EPB41: variants seen among roughly 807,000 people sequenced by gnomAD.
EPB41 encodes the protein erythrocyte membrane protein band 4.1, also known as protein 4.1.
In EPB41, 65 loss-of-function variants were observed where a neutral mutation model predicts 108.0. The ratio of observed to expected loss-of-function variants is 0.60; its 90% CI spans 0.49 to 0.74. The LOEUF (loss-of-function observed/expected upper bound fraction) is 0.74, where lower values mean the gene tolerates loss of function less well. Among genes scored for constraint, EPB41 ranks in the 30% least tolerant of loss-of-function variants. The pLI, the probability that EPB41 is intolerant of heterozygous loss-of-function variation, is 0.00. For missense variants in EPB41, 875 were observed against 1,037.0 expected (o/e 0.84, Z 2.15); for synonymous variants, 336 against 358.9 (o/e 0.94, Z 0.72).
Position 28,986,727 on chromosome 1 carries a change from C to T in EPB41, c.-7-704C>T, listed in dbSNP as rs565101060. ...GGAGGATAGCTTGAGCCCAGGAGTT[C>T]GAGACCTGCCTGGGCAATATAGCAA... is the stretch of plus-strand genomic sequence containing the variant. On this transcript the variant is annotated intron_variant, in intron 1 of 20. Coordinates refer to ENST00000343067, the MANE Select transcript of EPB41 (RefSeq NM_001376013.1). Among the ~76,000 whole-genome samples, 4 of 151,294 alleles carry T rather than the reference C, an allele frequency of 2.6e-5. No homozygotes were observed. The East Asian group carries it at 5.9e-4, about 22-fold the overall frequency.
chr1:28,894,863 G>A (rs762406914), intron 1 of EPB41, among the ~76,000 whole-genome samples: 1 of 152,174 alleles, frequency 6.6e-6, no homozygotes, highest in Non-Finnish European at 1.5e-5. Context: ...AGGGGACTAT[G>A]TGTTCCTCTT....
In EPB41 at chr1:28,993,348, A is replaced by G. The variant is rs775969811; in HGVS notation, c.487A>G (p.Arg163Gly). 6.2e-7 allele frequency: 1 copy of G among 1,612,904 alleles called. No individual in the cohort carries two copies. The highest frequency in any genetic ancestry group is 1.7e-5 in the Admixed American group (1 of 60,020). ...AETQPAQEEL[R>G]EDPDFEIKEG... ...TATGTAGCCTGCTCAGGAAGAACTC[A>G]GAGAAGATCCAGATTTTGAAATTAA... is the stretch of plus-strand genomic sequence containing the variant. The change falls in exon 3 of 21, where the codon AGA (arginine) becomes GGA (glycine). Residue 163 changes from arginine to glycine, a missense_variant. Arg to Gly is a moderately radical substitution (Grantham distance 125, BLOSUM62 -2). Around this residue, in one of 3 missense-constraint regions of EPB41, gnomAD observed 353 missense variants for 393.2 expected, o/e 0.90. Transcript: ENST00000343067.
At chr1:28,961,253 A>G (rs1418444789) in intron 1 of EPB41, among the ~76,000 whole-genome samples, 2 of 152,162 alleles carry the variant, frequency 1.3e-5, no homozygotes, top group African/African-American at 2.4e-5. Flanking sequence ...GCTTTCCTAT[A>G]TAATAAATAT....
rs148493515 is a variant in EPB41, at chr1:29,106,039, C to A, written c.2314-3297C>A. Reference sequence around the variant, plus strand: ...TGCTGGGATTTCAGGCATGAGCCACCGTGCCTGGCCACAAATCTTGTTGTG... The same window carrying A: ...TGCTGGGATTTCAGGCATGAGCCACAGTGCCTGGCCACAAATCTTGTTGTG... On this transcript the variant is annotated intron_variant, in intron 17 of 20. Transcript: ENST00000343067. 1.1e-3 allele frequency among the ~76,000 whole-genome samples: 170 copies of A among 152,248 alleles called. 2 individuals are homozygous for A. The highest frequency in any genetic ancestry group is 0.01 in the Middle Eastern group (3 of 294).
intron 17 of EPB41, among the ~76,000 whole-genome samples, chr1:29,099,181 C>T (rs991783006): frequency 1.3e-5 from 2 of 150,156 alleles, no homozygotes; most frequent in Non-Finnish European, 3.0e-5. Context: ...ATGGCAGGCA[C>T]CTGTAATCCC....
chr1:29,012,549 A>T (rs1415970999), intron 5 of EPB41, among the ~76,000 whole-genome samples: 9 of 152,236 alleles, frequency 5.9e-5, no homozygotes, highest in Admixed American at 5.2e-4. Context: ...TTCTGGGCTG[A>T]AAAAAGTACA....
chr1:29,104,560 C>T (rs12408688), intron 17 of EPB41, among the ~76,000 whole-genome samples: 63,598 of 151,780 alleles, frequency 0.42, 15,134 homozygotes, highest in South Asian at 0.56. Context: ...GGACTCCAGG[C>T]GCACACCACT....
chr1:29,107,851 CAAAAAAA>C (rs58046908), intron 17 of EPB41, among the ~76,000 whole-genome samples: 1 of 62,826 alleles, frequency 1.6e-5, no homozygotes, highest in Non-Finnish European at 2.9e-5. Flanking sequence ...AACTCCATCT[CAAAAAAA>C]AAAAAAAAAA....
intron 16 of EPB41, among the ~76,000 whole-genome samples, chr1:29,095,085 A>G (rs191630926): frequency 1.2e-4 from 18 of 152,260 alleles, no homozygotes; most frequent in Admixed American, 7.2e-4. Flanking sequence ...TTTTCCAGAT[A>G]CTTTTGATCC....
Position 29,099,997 on chromosome 1 carries a change from C to G in EPB41, c.2313+2062C>G, listed in dbSNP as rs1664697077. On this transcript the variant is annotated intron_variant, in intron 17 of 20. Transcript: ENST00000343067. ...ATTGCTGCTTTGAGACTAGGATAATCAGGGAATTCCTCTCTGAGGAGGTGA... is the reference window on the plus strand; with the variant it reads ...ATTGCTGCTTTGAGACTAGGATAATGAGGGAATTCCTCTCTGAGGAGGTGA... 2.0e-5 allele frequency among the ~76,000 whole-genome samples: 3 copies of G among 152,280 alleles called. No homozygotes were observed. In the South Asian group the frequency reaches 6.2e-4, roughly 32 times the overall value.
chr1:28,909,143 G>A (rs1413411780), intron 1 of EPB41, among the ~76,000 whole-genome samples: 1 of 127,524 alleles, frequency 7.8e-6, no homozygotes, highest in African/African-American at 3.0e-5. Context: ...GGGCTATGGA[G>A]TAAGACTCCG....
chr1:28,992,604 G>A (rs1238055006), intron 2 of EPB41, among the ~76,000 whole-genome samples: 4 of 152,286 alleles, frequency 2.6e-5, no homozygotes, highest in East Asian at 3.9e-4. Context: ...CAGGAGAATC[G>A]CTTGAACCCT....
chr1:28,994,330 C>A (rs1376782048), intron 3 of EPB41, among the ~76,000 whole-genome samples: 2 of 151,976 alleles, frequency 1.3e-5, no homozygotes, highest in Non-Finnish European at 2.9e-5. Flanking sequence ...CGCCACCACG[C>A]CTGGCTAGTT....
At chr1:29,083,499 T>C (rs1402252955) in intron 16 of EPB41, among the ~76,000 whole-genome samples, 5 of 152,214 alleles carry the variant, frequency 3.3e-5, no homozygotes, top group Non-Finnish European at 7.3e-5. Flanking sequence ...GTTTCCTTTT[T>C]TGGCTGAAGA....
At chr1:29,039,669 C>T (rs1640748152) in intron 11 of EPB41, among the ~76,000 whole-genome samples, 1 of 152,056 alleles carries the variant, frequency 6.6e-6, no homozygotes, top group Admixed American at 6.6e-5. Context: ...AAAAAATTAG[C>T]TGGGCGTGGC....
chr1:28,917,280 G>A (rs771841854), intron 1 of EPB41, among the ~76,000 whole-genome samples: 4 of 151,094 alleles, frequency 2.6e-5, no homozygotes, highest in Non-Finnish European at 5.9e-5. Context: ...GTGTGTGTGT[G>A]TATTTATTTA....
At chr1:28,929,731 A>G (rs1470331097) in intron 1 of EPB41, among the ~76,000 whole-genome samples, 2 of 145,616 alleles carry the variant, frequency 1.4e-5, no homozygotes, top group Admixed American at 7.1e-5. Flanking sequence ...GGGTTTATCC[A>G]TGTTGGTCAG....
chr1:29,051,172 C>T (rs918888628), intron 11 of EPB41, among the ~76,000 whole-genome samples: 1 of 125,186 alleles, frequency 8.0e-6, no homozygotes, highest in African/African-American at 3.1e-5. Context: ...GATCTCAGCT[C>T]ACTGCAACCT....
chr1:28,962,218 G>C (rs1056367142), intron 1 of EPB41, among the ~76,000 whole-genome samples: 1 of 151,910 alleles, frequency 6.6e-6, no homozygotes, highest in African/African-American at 2.4e-5. Context: ...CCGCCATCAT[G>C]CCCGGCTAAT....
Sources: gnomAD v4.1 joint callset for allele counts (sites outside exome capture counted in the v4.1 genomes callset) on GRCh38, gnomAD v4.1.1 for gene constraint, gnomAD v4.1.1 regional missense constraint, MANE v1.5 for transcripts, NCBI Gene and HGNC (gene_info 2026-07-23, HGNC 2026-07-21) for gene names.